PPP6R2: variants seen among roughly 807,000 people sequenced by gnomAD.
The protein encoded by PPP6R2 is serine/threonine-protein phosphatase 6 regulatory subunit 2.
A neutral mutation model predicts 100.2 loss-of-function variants in PPP6R2; 62 were observed. That is an observed-to-expected ratio of 0.62 (90% CI 0.50 to 0.76). The LOEUF (loss-of-function observed/expected upper bound fraction) is 0.76. PPP6R2 is among the 30% of genes least tolerant of loss of function. The pLI, the probability that PPP6R2 is intolerant of heterozygous loss-of-function variation, is 0.00. For synonymous variants in PPP6R2, 525 were observed against 514.7 expected, an observed-to-expected ratio of 1.02 and a Z score of -0.27; for missense variants, 1,142 against 1,276.3, an observed-to-expected ratio of 0.89 and a Z score of 1.60.
chr22:50,431,560 G>A lies in PPP6R2; in HGVS notation c.1335+178G>A, dbSNP rs2063149178. The stretch of plus-strand genomic sequence containing the variant: ...AGACAGTGGGGCTTGAGTGGGTCTT[G>A]CAGATCTCATTCCTACCTGCCTTCA... On this transcript the variant is annotated intron_variant, in intron 11 of 23. Transcript: ENST00000612753. The surrounding 1 kb of genome is among the most constrained non-coding windows in gnomAD (Gnocchi z 4.8). Among the ~76,000 whole-genome samples, 1 of 152,240 alleles carries A rather than the reference G, an allele frequency of 6.6e-6. No homozygotes were observed.
rs754863208 is a variant in PPP6R2 at position 50,367,692 on chromosome 22, T to C, written c.-147-4328T>C. ...GATGCTGGATAAATTACAATAAATATAATTGCTTTATTTTTTGTTTTGTGT... is the reference window on the plus strand; with the variant it reads ...GATGCTGGATAAATTACAATAAATACAATTGCTTTATTTTTTGTTTTGTGT... On this transcript the variant is annotated intron_variant, in intron 1 of 23. Coordinates refer to ENST00000612753, the MANE Select transcript of PPP6R2 (RefSeq NM_001242898.2). 1.1e-4 allele frequency among the ~76,000 whole-genome samples: 16 copies of C among 152,192 alleles called. 1 individual carries two copies. Among genetic ancestry groups the C allele is most frequent in the Admixed American group, 5.2e-4 (8 of 15,270 alleles).
chr22:50,406,952 G>T lies in PPP6R2; in HGVS notation c.414+77G>T, dbSNP rs189576394. 6 of 1,424,404 alleles carry T rather than the reference G, an allele frequency of 4.2e-6. No homozygotes were observed. The South Asian group carries it at 6.0e-5, about 14-fold the overall frequency. The allele number at this position is 1,424,404 out of a possible 1,614,324, so 88.2% of individuals were successfully genotyped here. On this transcript the variant is annotated intron_variant, in intron 4 of 23. Transcript: ENST00000612753. ...TGACGTGTCCTGCTGTGAGCCTGGCGGTGCGACTCATCCTCCGGCCGCGGG... is the reference window on the plus strand; with the variant it reads ...TGACGTGTCCTGCTGTGAGCCTGGCTGTGCGACTCATCCTCCGGCCGCGGG...
chr22:50,403,129 C>T (rs1445545745), intron 3 of PPP6R2, among the ~76,000 whole-genome samples: 2 of 152,250 alleles, frequency 1.3e-5, no homozygotes, highest in East Asian at 3.9e-4. Flanking sequence ...AGGACGTGAA[C>T]CCGGGAGGCG....
At chr22:50,386,076 C>T (rs2054192930) in intron 2 of PPP6R2, among the ~76,000 whole-genome samples, 1 of 151,804 alleles carries the variant, frequency 6.6e-6, no homozygotes, top group Non-Finnish European at 1.5e-5. Flanking sequence ...CCGCCCGCCT[C>T]AGCCTCCCAA....
chr22:50,436,929 G>A, intron 14 of PPP6R2, 59 bp from the exon 15 acceptor site: 4 of 1,409,586 alleles, frequency 2.8e-6, no homozygotes, highest in Non-Finnish European at 3.9e-6. Flanking sequence ...CGCTGGGCTG[G>A]GTGGGGTCTG....
At chr22:50,384,228 G>A (rs73188949) in intron 2 of PPP6R2, among the ~76,000 whole-genome samples, 43,165 of 151,782 alleles carry the variant, frequency 0.28, 6,714 homozygotes, top group South Asian at 0.57. Flanking sequence ...GTCTTAATCT[G>A]TTTTCTGCTG....
chr22:50,357,835 A>G (rs1238197458), intron 1 of PPP6R2, among the ~76,000 whole-genome samples: 1 of 152,152 alleles, frequency 6.6e-6, no homozygotes, highest in Non-Finnish European at 1.5e-5. Flanking sequence ...TATGTTGGCC[A>G]GGGTGGTCTT....
intron 1 of PPP6R2, among the ~76,000 whole-genome samples, chr22:50,358,992 C>G (rs1263126091): frequency 2.1e-4 from 3 of 14,310 alleles, no homozygotes; most frequent in African/African-American, 2.3e-3. Context: ...AAAGAACCGC[C>G]CCCCCCCCCC....
intron 2 of PPP6R2, among the ~76,000 whole-genome samples, chr22:50,374,911 C>CAA (rs60035779): frequency 0.028 from 2,262 of 80,730 alleles, 59 homozygotes; most frequent in Middle Eastern, 0.049. Flanking sequence ...GACTCTGTCT[C>CAA]AAAAAAAAAA....
chr22:50,335,352 C>T, the PPP6R2 span, among the ~76,000 whole-genome samples: 25 of 150,620 alleles, frequency 1.7e-4, no homozygotes, highest in East Asian at 5.9e-4. Flanking sequence ...TGTGAGCCAC[C>T]GCGCCCAGCC....
chr22:50,437,671 A>G (rs1365866802), intron 16 of PPP6R2, 68 bp downstream of exon 16: 24 of 1,450,226 alleles, frequency 1.7e-5, no homozygotes, highest in Non-Finnish European at 2.2e-5. Flanking sequence ...CCGTGGAGGC[A>G]GCTCCCTGAG....
At chr22:50,352,244 A>G (rs561939980) in intron 1 of PPP6R2, among the ~76,000 whole-genome samples, 1 of 152,140 alleles carries the variant, frequency 6.6e-6, no homozygotes, top group South Asian at 2.1e-4. Context: ...CCCGGCCGGC[A>G]TTTGCTGTTT....
chr22:50,394,913 C>CAAAA (rs57028687), intron 3 of PPP6R2, among the ~76,000 whole-genome samples: 907 of 76,150 alleles, frequency 0.012, 29 homozygotes, highest in East Asian at 0.084. Flanking sequence ...GACTCTGTCT[C>CAAAA]AAAAAAAAAA....
At chr22:50,406,951 C>T (rs1046193536) in intron 4 of PPP6R2, 76 bp downstream of exon 4, 30 of 1,420,184 alleles carry the variant, frequency 2.1e-5, no homozygotes, top group Non-Finnish European at 2.5e-5. Context: ...GTGAGCCTGG[C>T]GGTGCGACTC....
chr22:50,333,349 T>G, the PPP6R2 span, among the ~76,000 whole-genome samples: 1 of 151,588 alleles, frequency 6.6e-6, no homozygotes, highest in Non-Finnish European at 1.5e-5. Context: ...CTTTTTTTTT[T>G]TTTTTGAGAC....
rs932836989 is a variant in PPP6R2 at position 50,434,958 on chromosome 22, G to A, written c.1401-8G>A. On this transcript the variant is annotated splice_polypyrimidine_tract_variant and splice_region_variant and intron_variant, in intron 12 of 23. Coordinates refer to ENST00000612753, the MANE Select transcript of PPP6R2 (RefSeq NM_001242898.2). The stretch of plus-strand genomic sequence containing the variant: ...GGAGGCCGCCCCGATGGTGCCTGTT[G>A]CTTTCAGGGCAGCGGGTGGCATGAG... 3.1e-6 allele frequency: 5 copies of A among 1,599,934 alleles called. No individual in the cohort carries two copies. The East Asian group carries it at 6.7e-5, about 21-fold the overall frequency.
intron 1 of PPP6R2, among the ~76,000 whole-genome samples, chr22:50,347,400 C>T (rs1184740090): frequency 6.6e-6 from 1 of 151,996 alleles, no homozygotes; most frequent in Admixed American, 6.6e-5. Flanking sequence ...CTCGTCTTTT[C>T]CTGTCGCGCT....
rs143278745 is a variant in PPP6R2, at chr22:50,425,583, C to G, written c.1125+1969C>G. Among the ~76,000 whole-genome samples the G allele has an allele frequency of 1.4e-3, 217 of 152,314 alleles. 1 individual carries two copies. The highest frequency in any genetic ancestry group is 5.0e-3 in the African/African-American group (207 of 41,568). The stretch of plus-strand genomic sequence containing the variant: ...CCATGATTAAGTTTTGAGGCCAGAC[C>G]TTTCCACAGTGGCTGCACCATTTTA... On this transcript the variant is annotated intron_variant, in intron 10 of 23. Coordinates refer to ENST00000612753, the MANE Select transcript of PPP6R2 (RefSeq NM_001242898.2).
chr22:50,337,604 GGGTGTGTGTGCTGTGTGC>G, the PPP6R2 span, among the ~76,000 whole-genome samples: 3 of 91,616 alleles, frequency 3.3e-5, no homozygotes, highest in Non-Finnish European at 5.6e-5. Flanking sequence ...GGTGTGTTGG[GGGTGTGTGTGCTGTGTGC>G]GGTATGTGTG....
Sources: allele counts gnomAD v4.1 joint callset (sites outside exome capture counted in the v4.1 genomes callset), GRCh38; gene constraint gnomAD v4.1.1; non-coding constraint Gnocchi (gnomAD v3.1); transcripts MANE v1.5; gene names NCBI Gene and HGNC (gene_info 2026-07-23, HGNC 2026-07-21).